TASP1: variants seen among roughly 807,000 people sequenced by gnomAD.
The protein encoded by TASP1 is taspase 1.
TASP1 carries 16 observed loss-of-function variants against 56.6 expected under a neutral mutation model. The observed-to-expected ratio is 0.28, with a 90% CI of 0.19 to 0.43. TASP1 has a LOEUF of 0.43. Ranked by LOEUF, TASP1 falls within the 20% of genes least tolerant of loss-of-function variation. TASP1 has a pLI of 1.00. For synonymous variants in TASP1, 179 were observed against 184.2 expected (o/e 0.97, Z 0.23); for missense variants, 393 against 511.6 (o/e 0.77, Z 2.24).
At chr20:13,562,247 G>T (rs2046367357) in intron 7 of TASP1, among the ~76,000 whole-genome samples, 1 of 151,942 alleles carries the variant, frequency 6.6e-6, no homozygotes, top group African/African-American at 2.4e-5. Flanking sequence ...AACTTACAAA[G>T]TACATCAAAA....
the TASP1 span, among the ~76,000 whole-genome samples, chr20:13,225,089 A>C: frequency 6.7e-6 from 1 of 150,194 alleles, no homozygotes; most frequent in Admixed American, 6.6e-5. Flanking sequence ...TCCTGACCTC[A>C]TGATCCGCCC....
chr20:13,112,851 C>A, the TASP1 span, among the ~76,000 whole-genome samples: 1 of 152,162 alleles, frequency 6.6e-6, no homozygotes, highest in Non-Finnish European at 1.5e-5. Context: ...AAAGGAAAAG[C>A]CTTTATACAG....
chr20:13,253,894 T>TAAAC, the TASP1 span, among the ~76,000 whole-genome samples: 2 of 151,726 alleles, frequency 1.3e-5, no homozygotes, highest in Non-Finnish European at 2.9e-5. Flanking sequence ...TGTGTATGTT[T>TAAAC]ATACACACAC....
At chr20:13,439,845 G>T (rs1436442578) in intron 11 of TASP1, among the ~76,000 whole-genome samples, 1 of 151,970 alleles carries the variant, frequency 6.6e-6, no homozygotes, top group Middle Eastern at 3.4e-3. Context: ...TAGAAAGAGA[G>T]ACTAGAAAAA....
chr20:13,241,829 A>G, the TASP1 span, among the ~76,000 whole-genome samples: 21 of 152,276 alleles, frequency 1.4e-4, no homozygotes, highest in East Asian at 3.3e-3. Context: ...TATTGTTCCC[A>G]TCACCCACCT....
At chr20:13,403,551 A>G (rs371632533) in intron 13 of TASP1, among the ~76,000 whole-genome samples, 1 of 152,178 alleles carries the variant, frequency 6.6e-6, no homozygotes, top group Non-Finnish European at 1.5e-5. Context: ...CAAAGCATCA[A>G]TAGATGAGGA....
the TASP1 span, among the ~76,000 whole-genome samples, chr20:13,297,049 A>G: frequency 4.6e-5 from 7 of 151,656 alleles, no homozygotes; most frequent in African/African-American, 1.5e-4. Context: ...AAAAAAAAAG[A>G]TGTATTTTGT....
the TASP1 span, among the ~76,000 whole-genome samples, chr20:13,262,642 G>A: frequency 6.6e-6 from 1 of 152,148 alleles, no homozygotes; most frequent in East Asian, 1.9e-4. Context: ...AATGGAGAAA[G>A]CACAACTTGA....
At chr20:13,110,076 T>C in the TASP1 span, 2 of 1,555,698 alleles carry the variant, frequency 1.3e-6, no homozygotes, top group African/African-American at 1.4e-5. Context: ...GTAAACCCTT[T>C]CATGACTCAA....
the TASP1 span, among the ~76,000 whole-genome samples, chr20:13,221,576 G>A: frequency 2.1e-5 from 3 of 144,848 alleles, 1 homozygote; most frequent in Non-Finnish European, 3.1e-5. Context: ...CGGCGGCGGC[G>A]CCGGCAGCTC....
chr20:13,513,033 C>T (rs1038213382), intron 10 of TASP1, among the ~76,000 whole-genome samples: 2 of 152,076 alleles, frequency 1.3e-5, no homozygotes, highest in East Asian at 1.9e-4. Context: ...AGTCAGGTAG[C>T]GAGATGCCTC....
chr20:13,345,915 TTAAAAA>T, the TASP1 span, among the ~76,000 whole-genome samples: 1 of 115,600 alleles, frequency 8.7e-6, no homozygotes, highest in Non-Finnish European at 1.7e-5. Context: ...TCTCAGTAGG[TTAAAAA>T]AAAAAAAAAA....
intron 4 of TASP1, among the ~76,000 whole-genome samples, chr20:13,601,521 C>A (rs1376396405): frequency 1.3e-5 from 2 of 151,920 alleles, no homozygotes; most frequent in Non-Finnish European, 2.9e-5. Flanking sequence ...AAATTCATTA[C>A]TGAATGAATA....
At chr20:13,366,194 T>A in the TASP1 span, among the ~76,000 whole-genome samples, 2 of 152,070 alleles carry the variant, frequency 1.3e-5, no homozygotes, top group Non-Finnish European at 1.5e-5. Context: ...TAATCTGGAG[T>A]TTGGATGCAG....
chr20:13,341,876 A>C, the TASP1 span, among the ~76,000 whole-genome samples: 44 of 152,328 alleles, frequency 2.9e-4, no homozygotes, highest in African/African-American at 9.4e-4. Context: ...GATGGCTATC[A>C]GTGCTGCAGG....
chr20:13,173,170 G>T, the TASP1 span, among the ~76,000 whole-genome samples: 1 of 152,180 alleles, frequency 6.6e-6, no homozygotes, highest in African/African-American at 2.4e-5. Context: ...GTGCTGGCAA[G>T]CCCTATTTCC....
At chr20:13,338,577 G>A in the TASP1 span, among the ~76,000 whole-genome samples, 3 of 152,132 alleles carry the variant, frequency 2.0e-5, no homozygotes, top group Admixed American at 6.5e-5. Context: ...GTCCTACCAT[G>A]ATGAAATTCT....
chr20:13,251,802 T>C, the TASP1 span, among the ~76,000 whole-genome samples: 11 of 152,290 alleles, frequency 7.2e-5, no homozygotes, highest in African/African-American at 2.4e-4. Context: ...CGTGTGACTT[T>C]TCTGTACGCC....
chr20:13,302,242 T>A, the TASP1 span, among the ~76,000 whole-genome samples: 1 of 152,172 alleles, frequency 6.6e-6, no homozygotes, highest in Admixed American at 6.5e-5. Flanking sequence ...CTTGCTGACC[T>A]AATGAACTGA....
Sources: gnomAD v4.1 joint callset for allele counts (sites outside exome capture counted in the v4.1 genomes callset) on GRCh38, gnomAD v4.1.1 for gene constraint, MANE v1.5 for transcripts, NCBI Gene and HGNC (gene_info 2026-07-23, HGNC 2026-07-21) for gene names.